The following SCUBE1 variants were observed in gnomAD, a reference collection of about 807,000 sequenced individuals.
SCUBE1 encodes signal peptide, CUB domain and EGF like domain containing 1.
In SCUBE1, 59 loss-of-function variants were observed where a neutral mutation model predicts 124.4. That is an observed-to-expected ratio of 0.47 (90% confidence interval 0.38 to 0.59). The LOEUF (loss-of-function observed/expected upper bound fraction) is 0.59, where lower values mean the gene tolerates loss of function less well. Ranked by LOEUF, SCUBE1 falls within the 20% of genes least tolerant of loss-of-function variation. SCUBE1 has a pLI of 0.00. For missense variants in SCUBE1, 1,150 were observed against 1,371.2 expected (o/e 0.84, Z 2.55); for synonymous variants, 545 against 550.9 (o/e 0.99, Z 0.15).
intron 2 of SCUBE1, among the ~76,000 whole-genome samples, chr22:43,333,105 A>G (rs1031815097): frequency 1.3e-5 from 2 of 152,176 alleles, no homozygotes; most frequent in African/African-American, 4.8e-5. Flanking sequence ...GGTGGTGTGT[A>G]TGGACCTGGG....
intron 16 of SCUBE1, 44 bp downstream of exon 16, chr22:43,214,046 C>CCGGGGGGGGGGGGGGGGGGGGGGG: frequency 4.7e-6 from 2 of 422,702 alleles, no homozygotes; most frequent in Non-Finnish European, 8.3e-6. Flanking sequence ...GAGGAGCCCC[C>CCGGGGGGGGGGGGGGGGGGGGGGG]GCCCACCCCC....
At chr22:43,324,982 G>C (rs1926674054) in intron 2 of SCUBE1, among the ~76,000 whole-genome samples, 1 of 149,424 alleles carries the variant, frequency 6.7e-6, no homozygotes, top group Non-Finnish European at 1.5e-5. Flanking sequence ...TTAATACAAT[G>C]CTGCTGTCCT....
chr22:43,205,827 C>A (rs1452325634), intron 21 of SCUBE1, among the ~76,000 whole-genome samples: 15 of 104,948 alleles, frequency 1.4e-4, no homozygotes, highest in African/African-American at 5.4e-4. Context: ...CCACTCACCC[C>A]CACACACACC....
At chr22:43,206,273 C>T (rs890615153) in intron 21 of SCUBE1, among the ~76,000 whole-genome samples, 2 of 149,796 alleles carry the variant, frequency 1.3e-5, no homozygotes. Flanking sequence ...TACATACACA[C>T]TATACACACC....
intron 1 of SCUBE1, 135 bp downstream of exon 1, chr22:43,343,039 A>C: frequency 8.7e-6 from 2 of 229,522 alleles, no homozygotes; most frequent in Non-Finnish European, 1.4e-5. Context: ...CCTAGAAGTT[A>C]CTTTGCAAAG....
rs185148667 is a variant in SCUBE1, at chr22:43,258,754, G to A, written c.611-419C>T. Among the ~76,000 whole-genome samples the A allele has an allele frequency of 5.9e-5, 9 of 152,316 alleles. No individual in the cohort carries two copies. Among genetic ancestry groups the A allele is most frequent in the East Asian group, 1.9e-4 (1 of 5,178 alleles). On this transcript the variant is annotated intron_variant, in intron 5 of 21. Transcript: ENST00000360835. The surrounding 1 kb of genome is among the most constrained non-coding windows in gnomAD (Gnocchi z 5.0). Reference sequence around the variant, plus strand: ...TGTCGGGGGAGGGACATGGCGGCCCGTGGTTCCAGGTGACCCTCATTTCCT... The same window carrying A: ...TGTCGGGGGAGGGACATGGCGGCCCATGGTTCCAGGTGACCCTCATTTCCT...
chr22:43,232,688 C>G (rs935151247), intron 7 of SCUBE1, among the ~76,000 whole-genome samples: 1 of 152,242 alleles, frequency 6.6e-6, no homozygotes, highest in Non-Finnish European at 1.5e-5. Context: ...TCCTGAGCAA[C>G]TCTGCCAGTC....
At chr22:43,270,200 T>C (rs1164104284) in intron 4 of SCUBE1, 1 of 152,214 alleles carries the variant, frequency 6.6e-6, no homozygotes, top group Non-Finnish European at 1.5e-5. Flanking sequence ...TTCAGGTATG[T>C]GTACAAGGAG....
At chr22:43,317,774 G>A (rs988452873) in intron 3 of SCUBE1, among the ~76,000 whole-genome samples, 2 of 152,222 alleles carry the variant, frequency 1.3e-5, no homozygotes, top group Non-Finnish European at 2.9e-5. Flanking sequence ...TGTTGGATTC[G>A]CAGCTCCCAG....
At chr22:43,266,952 C>T (rs115816263) in intron 4 of SCUBE1, among the ~76,000 whole-genome samples, 293 of 152,302 alleles carry the variant, frequency 1.9e-3, no homozygotes, top group African/African-American at 6.7e-3. Flanking sequence ...CGCTCCCCTG[C>T]AGCACAGGAT....
intron 3 of SCUBE1, among the ~76,000 whole-genome samples, chr22:43,307,086 C>G (rs1925997773): frequency 6.6e-6 from 1 of 152,248 alleles, no homozygotes; most frequent in Admixed American, 6.5e-5. Flanking sequence ...TGGGCCTGGC[C>G]TTTGCAGGCC....
intron 3 of SCUBE1, among the ~76,000 whole-genome samples, chr22:43,299,136 G>A (rs1242382748): frequency 1.3e-5 from 2 of 152,120 alleles, no homozygotes; most frequent in East Asian, 3.9e-4. Flanking sequence ...CACCATTTTG[G>A]GCCTTGGTTT....
In SCUBE1 at chr22:43,285,296, T is replaced by C. The variant is rs138148043; in HGVS notation, c.484+5750A>G. Among the ~76,000 whole-genome samples, 1,107 of 152,292 alleles carry C rather than the reference T, an allele frequency of 7.3e-3. 17 individuals are homozygous for C. The highest frequency in any genetic ancestry group is 0.026 in the African/African-American group (1,067 of 41,562). On this transcript the variant is annotated intron_variant, in intron 4 of 21. Coordinates refer to ENST00000360835, the MANE Select transcript of SCUBE1 (RefSeq NM_173050.5). ...TGAGTGCTGTCCCGACGCTCCTCAG[T>C]GTCCACGCTGAACTGCTCACCACCC...
chr22:43,341,746 G>C (rs904609443), intron 1 of SCUBE1, among the ~76,000 whole-genome samples: 1 of 152,170 alleles, frequency 6.6e-6, no homozygotes, highest in Non-Finnish European at 1.5e-5. Flanking sequence ...CCTGCAGGGC[G>C]ACCCAGCCCT....
At chr22:43,213,091 A>C (rs572276669) in intron 16 of SCUBE1, 8 of 165,360 alleles carry the variant, frequency 4.8e-5, no homozygotes, top group Non-Finnish European at 6.5e-5. Flanking sequence ...CCTGGGACAA[A>C]GGGAGGGGAC....
Position 43,255,374 on chromosome 22 carries a change from C to G in SCUBE1, c.727+2845G>C. 1 of 916,524 alleles carries G rather than the reference C, an allele frequency of 1.1e-6. No homozygotes were observed. The highest frequency in any genetic ancestry group is 1.5e-5 in the South Asian group (1 of 66,456). 56.8% of individuals were successfully genotyped at this position (916,524 alleles called of 1,614,324 possible). On this transcript the variant is annotated intron_variant, in intron 6 of 21. Coordinates refer to ENST00000360835, the MANE Select transcript of SCUBE1 (RefSeq NM_173050.5). This position sits in a 1 kb window ranked among gnomAD's most constrained non-coding sequence, Gnocchi z 4.7. ...ATGCCCCCACACGCACACGTCACAC[C>G]CACACACAGCACACACACGCCCATG...
intron 3 of SCUBE1, among the ~76,000 whole-genome samples, chr22:43,293,382 G>C (rs1174931024): frequency 6.6e-6 from 1 of 152,274 alleles, no homozygotes; most frequent in Non-Finnish European, 1.5e-5. Context: ...CAGCACACCA[G>C]AGTGAAGGCG....
At chr22:43,249,784 C>A (rs767049818) in intron 6 of SCUBE1, among the ~76,000 whole-genome samples, 1 of 152,230 alleles carries the variant, frequency 6.6e-6, no homozygotes, top group Non-Finnish European at 1.5e-5. Context: ...AGTGCAGCCA[C>A]GCGGCCCAGA....
rs147145277 is a variant in SCUBE1, at chr22:43,262,989, G to A, written c.485-144C>T. 1.1e-3 allele frequency: 908 copies of A among 825,998 alleles called. 9 individuals carry two copies. The East Asian group carries it at 0.019, about 18-fold the overall frequency. The allele number at this position is 825,998 out of a possible 1,614,324, so 51.2% of individuals were successfully genotyped here. On this transcript the variant is annotated intron_variant, in intron 4 of 21. Transcript: ENST00000360835. ...GTATCATGCACACACACGCACTTGC[G>A]CACACACACATATGCGTGTGTGCAG... is the stretch of plus-strand genomic sequence containing the variant.
Sources: gnomAD v4.1 joint callset for allele counts (sites outside exome capture counted in the v4.1 genomes callset) on GRCh38, gnomAD v4.1.1 for gene constraint, Gnocchi (gnomAD v3.1) non-coding constraint, MANE v1.5 for transcripts, NCBI Gene and HGNC (gene_info 2026-07-23, HGNC 2026-07-21) for gene names.